Variants in RASD2 observed in about 807,000 individuals in gnomAD.
The protein encoded by RASD2 is GTP-binding protein Rhes.
Under a neutral mutation model 15.8 loss-of-function variants are expected in RASD2, and 7 were observed. The ratio of observed to expected loss-of-function variants is 0.44; its 90% confidence interval spans 0.25 to 0.83. The LOEUF (loss-of-function observed/expected upper bound fraction) is 0.83, where lower values mean the gene tolerates loss of function less well. Among genes scored for constraint, RASD2 ranks in the 40% least tolerant of loss-of-function variants. RASD2 has a pLI of 0.20. For synonymous variants in RASD2, 155 were observed against 153.6 expected (o/e 1.01, Z -0.07); for missense variants, 274 against 382.8 (o/e 0.72, Z 2.37).
chr22:35,550,137 C>T (rs1275450393), intron 2 of RASD2, among the ~76,000 whole-genome samples: 4 of 152,066 alleles, frequency 2.6e-5, no homozygotes, highest in Non-Finnish European at 4.4e-5. Flanking sequence ...GTGATGGGCA[C>T]CTGTAATCCC....
At chr22:35,536,394 T>C (rs1471509678), upstream of RASD2, among the ~76,000 whole-genome samples, 1 of 151,920 alleles carries the variant, frequency 6.6e-6, no homozygotes, top group East Asian at 1.9e-4. Context: ...GGCGCAATCT[T>C]GGCTCACTGC....
chr22:35,540,300 G>T (rs542816917), upstream of RASD2, among the ~76,000 whole-genome samples: 1 of 151,638 alleles, frequency 6.6e-6, no homozygotes, highest in South Asian at 2.1e-4. Context: ...GGCCCGGGCC[G>T]CCTTCTGGGC....
At chr22:35,546,075 T>C (rs1399436045) in intron 1 of RASD2, among the ~76,000 whole-genome samples, 1 of 152,088 alleles carries the variant, frequency 6.6e-6, no homozygotes, top group African/African-American at 2.4e-5. Flanking sequence ...CTGGGTCTCC[T>C]GGAGGCAAGT....
chr22:35,550,433 T>C (rs1601817742), intron 2 of RASD2, among the ~76,000 whole-genome samples: 6 of 74,162 alleles, frequency 8.1e-5, no homozygotes, highest in African/African-American at 1.7e-4. Flanking sequence ...AGAGAAAGAC[T>C]CCATCTCAAA....
At chr22:35,540,115 G>A (rs1934303340), upstream of RASD2, among the ~76,000 whole-genome samples, 1 of 152,234 alleles carries the variant, frequency 6.6e-6, no homozygotes, top group Non-Finnish European at 1.5e-5. Flanking sequence ...CACCTGGGAG[G>A]GCACCCGGGG....
intron 1 of RASD2, among the ~76,000 whole-genome samples, chr22:35,541,886 C>T (rs536734758): frequency 6.6e-6 from 1 of 152,320 alleles, no homozygotes; most frequent in South Asian, 2.1e-4. Context: ...ACTCCTGTCC[C>T]TCTTCTGGAG....
At position 35,541,181 on chromosome 22, in the gene RASD2, C is replaced by T. The variant is rs1054227247; in HGVS notation, c.-329C>T. 1.2e-4 allele frequency: 18 copies of T among 152,254 alleles called. No homozygotes were observed. The highest frequency in any genetic ancestry group is 3.4e-3 in the Middle Eastern group (1 of 294). 9.4% of individuals were successfully genotyped at this position (152,254 alleles called of 1,614,324 possible). ...CCCCGGATCGGACGTCCCCAAGCCTCCGGGCACCTGGCTCAGCAGGAGGCC... is the reference window on the plus strand; with the variant it reads ...CCCCGGATCGGACGTCCCCAAGCCTTCGGGCACCTGGCTCAGCAGGAGGCC... On this transcript the variant is annotated 5_prime_UTR_variant, in exon 1 of 3. Coordinates refer to ENST00000216127, the MANE Select transcript of RASD2 (RefSeq NM_014310.4).
the RASD2 span, among the ~76,000 whole-genome samples, chr22:35,535,080 G>C: frequency 6.6e-6 from 1 of 152,236 alleles, no homozygotes; most frequent in African/African-American, 2.4e-5. Flanking sequence ...AAACCTATTT[G>C]GATATTGATT....
In RASD2 at chr22:35,552,711, T is replaced by G. The variant is rs533954764; in HGVS notation, c.*679T>G. ...TCTCCTAGGTCCCTCCGCCCGACAG[T>G]TGTGCTTTGTTGTGGTTGCAGCTGT... On this transcript the variant is annotated 3_prime_UTR_variant, in exon 3 of 3. Transcript: ENST00000216127. The G allele has an allele frequency of 6.5e-6, 1 of 153,144 alleles. No individual in the cohort carries two copies. The highest frequency in any genetic ancestry group is 1.9e-4 in the East Asian group (1 of 5,166). The allele number at this position is 153,144 out of a possible 1,614,324, so 9.5% of individuals were successfully genotyped here. A position where few individuals can be genotyped will look rare whatever the true frequency, so the allele number is the denominator to read the frequency against.
chr22:35,534,163 G>A, the RASD2 span, among the ~76,000 whole-genome samples: 2 of 152,212 alleles, frequency 1.3e-5, no homozygotes, highest in South Asian at 2.1e-4. Flanking sequence ...AAGTGACTTT[G>A]GGCAAGTTGT....
intron 2 of RASD2, among the ~76,000 whole-genome samples, chr22:35,550,440 C>CA (rs397838574): frequency 0.38 from 24,432 of 64,122 alleles, 5,093 homozygotes; most frequent in Non-Finnish European, 0.49. Context: ...GACTCCATCT[C>CA]AAAAAAAAAA....
Position 35,552,900 on chromosome 22 carries a change from A to C in RASD2, c.*868A>C, listed in dbSNP as rs1468333275. ...GTTTCCGTGGCCTGTTTGCAGCTAGACATTGACCTCCGCCATTGAGCTCCA... is the reference window on the plus strand; with the variant it reads ...GTTTCCGTGGCCTGTTTGCAGCTAGCCATTGACCTCCGCCATTGAGCTCCA... On this transcript the variant is annotated 3_prime_UTR_variant, in exon 3 of 3. Coordinates refer to ENST00000216127, the MANE Select transcript of RASD2 (RefSeq NM_014310.4). The C allele has an allele frequency of 6.6e-6, 1 of 152,294 alleles. No homozygotes were observed. The highest frequency in any genetic ancestry group is 1.5e-5 in the Non-Finnish European group (1 of 68,020). 9.4% of individuals were successfully genotyped at this position (152,294 alleles called of 1,614,324 possible). A position where few individuals can be genotyped will look rare whatever the true frequency, so the allele number is the denominator to read the frequency against.
Position 35,546,866 on chromosome 22 carries a change from A to G in RASD2, c.57A>G (p.Ser19=), listed in dbSNP as rs1398984898. The change falls in exon 2 of 3, where the codon TCA becomes TCG. Residue 19 remains serine (S), a synonymous_variant. Transcript: ENST00000216127. ...CGCTCAGTGTGCCCGCCAAAAACTC[A>G]TACCGCATGGTGGTGCTGGGTGCCT... ...NCTLSVPAKN[S]YRMVVLGASR... is the part of the protein sequence containing the mutation. 1 of 1,613,606 alleles carries G rather than the reference A, an allele frequency of 6.2e-7. No homozygotes were observed. The highest frequency in any genetic ancestry group is 8.5e-7 in the Non-Finnish European group (1 of 1,179,804).
Position 35,551,491 on chromosome 22 carries a change from C to G in RASD2, c.272-12C>G. The G allele has an allele frequency of 3.7e-6, 6 of 1,600,640 alleles. No individual in the cohort carries two copies. Among genetic ancestry groups the G allele is most frequent in the Non-Finnish European group, 4.3e-6 (5 of 1,169,114 alleles). On this transcript the variant is annotated splice_polypyrimidine_tract_variant and intron_variant, in intron 2 of 2. Transcript: ENST00000216127. The surrounding 1 kb of genome is among the most constrained non-coding windows in gnomAD (Gnocchi z 4.9). Reference sequence around the variant, plus strand: ...GGCCGGTGAACTCACTACCTGGGCTCTCTCCCTGCAGGGGATGTCTTCATC... The same window carrying G: ...GGCCGGTGAACTCACTACCTGGGCTGTCTCCCTGCAGGGGATGTCTTCATC...
At chr22:35,547,421 G>A (rs1049640814) in intron 2 of RASD2, among the ~76,000 whole-genome samples, 1 of 152,166 alleles carries the variant, frequency 6.6e-6, no homozygotes, top group Non-Finnish European at 1.5e-5. Flanking sequence ...ACCCACCAGA[G>A]CTCCAGGGCC....
At chr22:35,545,026 C>T (rs1163676384) in intron 1 of RASD2, among the ~76,000 whole-genome samples, 4 of 152,164 alleles carry the variant, frequency 2.6e-5, no homozygotes, top group East Asian at 1.9e-4. Context: ...TGGGGTCCGC[C>T]GTGTGCTGAG....
Position 35,547,084 on chromosome 22 carries a change from AG to A in RASD2, c.271+6del, listed in dbSNP as rs1425148394. The stretch of plus-strand genomic sequence containing the variant: ...CGCAGGCTGTCCATCCTCACAGGTG[AG>A]GCCCACTGGTGCCTGGGCTGGGGCG... On this transcript the variant is annotated splice_donor_5th_base_variant and intron_variant, in intron 2 of 2. Coordinates refer to ENST00000216127, the MANE Select transcript of RASD2 (RefSeq NM_014310.4). 1.2e-6 allele frequency: 2 copies of A among 1,610,486 alleles called. No homozygotes were observed. The highest frequency in any genetic ancestry group is 1.7e-6 in the Non-Finnish European group (2 of 1,177,618).
At position 35,540,933 on chromosome 22, in the gene RASD2, G is replaced by C. The variant is rs1934328547; in HGVS notation, c.-577G>C. 6.6e-6 allele frequency: 1 copy of C among 152,366 alleles called. No individual in the cohort carries two copies. The highest frequency in any genetic ancestry group is 2.1e-4 in the South Asian group (1 of 4,834). The allele number at this position is 152,366 out of a possible 1,614,324, so 9.4% of individuals were successfully genotyped here. On this transcript the variant is annotated 5_prime_UTR_variant, in exon 1 of 3. Transcript: ENST00000216127. The stretch of plus-strand genomic sequence containing the variant: ...CTGCAGAGCCGCGGGCAGAGAAGGA[G>C]GCCGCGGCCGAGCCCGGCAGCCCGA...
In RASD2 at chr22:35,551,669, G is replaced by A. The variant is rs1934668506; in HGVS notation, c.438G>A (p.Glu146=). The A allele has an allele frequency of 1.2e-6, 2 of 1,613,954 alleles. No individual in the cohort carries two copies. Among genetic ancestry groups the A allele is most frequent in the Admixed American group, 3.3e-5 (2 of 60,008 alleles). Residue 146 remains glutamate, a synonymous_variant, in exon 3 of 3, where the codon GAG becomes GAA. Coordinates refer to ENST00000216127, the MANE Select transcript of RASD2 (RefSeq NM_014310.4). This position sits in a 1 kb window ranked among gnomAD's most constrained non-coding sequence, Gnocchi z 4.9. ...GTGGCAACAAGAACGACCACGGCGA[G>A]CTGTGCCGCCAGGTGCCCACCACCG... ...VICGNKNDHG[E]LCRQVPTTEA... is the part of the protein sequence containing the mutation.
Sources: gnomAD v4.1 joint callset for allele counts (sites outside exome capture counted in the v4.1 genomes callset) on GRCh38, gnomAD v4.1.1 for gene constraint, Gnocchi (gnomAD v3.1) non-coding constraint, MANE v1.5 for transcripts, NCBI Gene and HGNC (gene_info 2026-07-23, HGNC 2026-07-21) for gene names.